The following ZNF354B variants were observed in gnomAD, a reference collection of about 807,000 sequenced individuals.
ZNF354B encodes zinc finger protein 354B.
ZNF354B carries 10 observed loss-of-function variants against 12.9 expected under a neutral mutation model. That is an observed-to-expected ratio of 0.77 (90% CI 0.48 to 1.31). The LOEUF (loss-of-function observed/expected upper bound fraction) is 1.31, where lower values mean the gene tolerates loss of function less well. ZNF354B is among the 40% of genes most tolerant of loss of function. The probability of loss-of-function intolerance (pLI) is 0.00; values close to 1 mark genes in which losing one functional copy is unlikely to be tolerated. For missense variants in ZNF354B, 614 were observed against 711.7 expected (o/e 0.86, Z 1.56); for synonymous variants, 260 against 243.7 (o/e 1.07, Z -0.62).
At chr5:178,866,874 T>C (rs571020797) in intron 3 of ZNF354B, 102 bp from the exon 4 acceptor site, 1 of 1,080,096 alleles carries the variant, frequency 9.3e-7, no homozygotes, top group East Asian at 2.4e-5. Context: ...ACATGCAACA[T>C]TCCTTCTGTA....
At chr5:178,867,605 T>C (rs183522192) in intron 4 of ZNF354B, among the ~76,000 whole-genome samples, 3 of 152,336 alleles carry the variant, frequency 2.0e-5, no homozygotes, top group Admixed American at 2.0e-4. Context: ...AAGGGACCTG[T>C]GGCGTGTCCT....
intron 4 of ZNF354B, among the ~76,000 whole-genome samples, chr5:178,868,861 A>G (rs1047474010): frequency 6.6e-6 from 1 of 151,676 alleles, no homozygotes; most frequent in Non-Finnish European, 1.5e-5. Context: ...AGTCCCAGCT[A>G]CTCGGGAGAC....
chr5:178,870,676 A>G (rs77659077), intron 4 of ZNF354B, among the ~76,000 whole-genome samples: 22,600 of 152,228 alleles, frequency 0.15, 2,060 homozygotes, highest in African/African-American at 0.25. Context: ...CTGAAGCAGC[A>G]ACTGCACACA....
At position 178,884,303 on chromosome 5, in the gene ZNF354B, CA is replaced by C; in HGVS notation, c.*16del. 1 of 1,554,606 alleles carries C rather than the reference CA, an allele frequency of 6.4e-7. No individual in the cohort carries two copies. The highest frequency in any genetic ancestry group is 8.7e-7 in the Non-Finnish European group (1 of 1,154,954). ...ATTTGCATGTGTGAAAGCCTTAAAC[CA>C]AAACTCATCAGAGAATACATGCTTG... is the stretch of plus-strand genomic sequence containing the variant. On this transcript the variant is annotated 3_prime_UTR_variant, in exon 5 of 5. Transcript: ENST00000322434.
Position 178,883,797 on chromosome 5 carries a change from T to C in ZNF354B, c.1345T>C (p.Ser449Pro). Residue 449 changes from serine (S) to proline (P), a missense_variant, in exon 5 of 5, where the codon TCC becomes CCC. Ser to Pro is a moderately conservative substitution (Grantham distance 74). Coordinates refer to ENST00000322434, the MANE Select transcript of ZNF354B (RefSeq NM_058230.3). Reference sequence around the variant, plus strand: ...TAATGAATGTGGTAAAGCCTTAAGCTCCCACTCAACACTTATTATTCATGA... The same window carrying C: ...TAATGAATGTGGTAAAGCCTTAAGCCCCCACTCAACACTTATTATTCATGA... Reference protein sequence around the residue: ...NCNECGKALSSHSTLIIHERI... With the variant: ...NCNECGKALSPHSTLIIHERI... 6.2e-7 allele frequency: 1 copy of C among 1,614,092 alleles called. No individual in the cohort carries two copies. The highest frequency in any genetic ancestry group is 8.5e-7 in the Non-Finnish European group (1 of 1,179,988).
chr5:178,866,989 C>G lies in ZNF354B; in HGVS notation c.174C>G (p.Thr58=), dbSNP rs778546493. The G allele has an allele frequency of 1.2e-6, 2 of 1,613,962 alleles. No individual in the cohort carries two copies. The highest frequency in any genetic ancestry group is 1.7e-6 in the Non-Finnish European group (2 of 1,179,902). Residue 58 remains threonine, a synonymous_variant, in exon 4 of 5, where the codon ACC becomes ACG. Coordinates refer to ENST00000322434, the MANE Select transcript of ZNF354B (RefSeq NM_058230.3). ...GTTTATGTGCAGGACTCTCATTTACCAAACCAAAAGTCATCTCCCTGTTGC... is the reference window on the plus strand; with the variant it reads ...GTTTATGTGCAGGACTCTCATTTACGAAACCAAAAGTCATCTCCCTGTTGC... ...RNLVSLGLSF[T]KPKVISLLQQ...
At chr5:178,867,673 C>A (rs1055602692) in intron 4 of ZNF354B, among the ~76,000 whole-genome samples, 1 of 152,052 alleles carries the variant, frequency 6.6e-6, no homozygotes, top group Non-Finnish European at 1.5e-5. Flanking sequence ...GACAGAGCTC[C>A]CAAAAAGTTA....
intron 4 of ZNF354B, among the ~76,000 whole-genome samples, chr5:178,868,358 A>G (rs1237364778): frequency 2.7e-5 from 4 of 148,848 alleles, no homozygotes; most frequent in Non-Finnish European, 5.9e-5. Flanking sequence ...GGGAGGGGCC[A>G]TCGTGGCAGT....
intron 2 of ZNF354B, among the ~76,000 whole-genome samples, chr5:178,865,159 T>C (rs1757428076): frequency 6.6e-6 from 1 of 152,228 alleles, no homozygotes; most frequent in Non-Finnish European, 1.5e-5. Context: ...TTATTAAGTA[T>C]GTGGTAGATT....
intron 2 of ZNF354B, among the ~76,000 whole-genome samples, chr5:178,863,906 G>C (rs143810076): frequency 9.5e-4 from 145 of 152,214 alleles, no homozygotes; most frequent in Non-Finnish European, 1.4e-3. Context: ...ATAGGAGAAA[G>C]CTTATAAAAT....
chr5:178,872,044 A>G (rs145143771), intron 4 of ZNF354B, among the ~76,000 whole-genome samples: 1 of 152,212 alleles, frequency 6.6e-6, no homozygotes, highest in Non-Finnish European at 1.5e-5. Flanking sequence ...ACATTGATAC[A>G]GTGAAGATAC....
At chr5:178,863,122 A>C (rs1180601728) in intron 2 of ZNF354B, among the ~76,000 whole-genome samples, 1 of 152,196 alleles carries the variant, frequency 6.6e-6, no homozygotes. Flanking sequence ...ATTCTTTGAG[A>C]ACAAAGATCA....
At chr5:178,861,573 GT>G (rs1757348577) in intron 2 of ZNF354B, among the ~76,000 whole-genome samples, 2 of 152,226 alleles carry the variant, frequency 1.3e-5, no homozygotes, top group Admixed American at 1.3e-4. Context: ...ATTGTAGACC[GT>G]TTTCATTTTT....
chr5:178,883,118 CTTCA>C lies in ZNF354B; in HGVS notation c.671_674del (p.Ile224ThrfsTer24), dbSNP rs1026082468. 2.5e-6 allele frequency: 4 copies of C among 1,611,144 alleles called. No individual in the cohort carries two copies. In the African/African-American group the frequency reaches 5.4e-5, roughly 22 times the overall value. On this transcript the variant is annotated frameshift_variant, in exon 5 of 5. Coordinates refer to ENST00000322434, the MANE Select transcript of ZNF354B (RefSeq NM_058230.3). LOFTEE classifies it low-confidence loss of function (END_TRUNC). ...ATAAATGCAGTACATGTGAAAAAGC[CTTCA>C]TTCACAATTCATCCCTTCGTAAACA...
rs748063482 is a variant in ZNF354B, at chr5:178,884,000, T to C, written c.1548T>C (p.His516=). The change falls in exon 5 of 5, where the codon CAT becomes CAC. Residue 516 remains histidine (H), a synonymous_variant. Transcript: ENST00000322434. ...CGCTTAGTAATCACCAGAGAATTCA[T>C]ACTGGAGAGAAACCATATCGATGTT... is the stretch of plus-strand genomic sequence containing the variant. ...NSSLSNHQRI[H]TGEKPYRCLE... 6 of 1,613,986 alleles carry C rather than the reference T, an allele frequency of 3.7e-6. No individual in the cohort carries two copies. The East Asian group carries it at 1.3e-4, about 36-fold the overall frequency.
Position 178,883,915 on chromosome 5 carries a change from A to G in ZNF354B, c.1463A>G (p.His488Arg), listed in dbSNP as rs761226894. The G allele has an allele frequency of 1.9e-6, 3 of 1,614,152 alleles. No homozygotes were observed. ...GCTCTCATTCAACATCAGAGAATGC[A>G]TACTGGAGAAAGACCCTATAAGTGT... Reference protein sequence around the residue: ...SSALIQHQRMHTGERPYKCNE... With the variant: ...SSALIQHQRMRTGERPYKCNE... The change falls in exon 5 of 5, where the codon CAT becomes CGT. Residue 488 changes from histidine (H) to arginine (R), a missense_variant. By Grantham distance (29) the His-to-Arg change is conservative. Coordinates refer to ENST00000322434, the MANE Select transcript of ZNF354B (RefSeq NM_058230.3).
intron 4 of ZNF354B, among the ~76,000 whole-genome samples, chr5:178,878,252 G>A (rs1011138576): frequency 2.6e-4 from 39 of 152,054 alleles, no homozygotes; most frequent in African/African-American, 8.9e-4. Context: ...GCGTAGTGGC[G>A]GGCGCCTGTA....
chr5:178,874,208 C>T (rs1025510598), intron 4 of ZNF354B, among the ~76,000 whole-genome samples: 1 of 152,136 alleles, frequency 6.6e-6, no homozygotes, highest in African/African-American at 2.4e-5. Flanking sequence ...CCACCTGCCT[C>T]GACCTTTCAG....
At chr5:178,881,277 A>C (rs1757713276) in intron 4 of ZNF354B, among the ~76,000 whole-genome samples, 1 of 149,924 alleles carries the variant, frequency 6.7e-6, no homozygotes, top group East Asian at 1.9e-4. Flanking sequence ...AGGTGCTATG[A>C]TGTCTGTTGG....
Sources: gnomAD v4.1 joint callset for allele counts (sites outside exome capture counted in the v4.1 genomes callset) on GRCh38, gnomAD v4.1.1 for gene constraint, MANE v1.5 for transcripts, NCBI Gene and HGNC (gene_info 2026-07-23, HGNC 2026-07-21) for gene names.